Variants in CLOCK observed in about 807,000 individuals in gnomAD.
The protein encoded by CLOCK is clock circadian regulator.
Under a neutral mutation model 118.4 loss-of-function variants are expected in CLOCK, and 43 were observed. That is an observed-to-expected ratio of 0.36 (90% CI 0.28 to 0.47). The LOEUF (loss-of-function observed/expected upper bound fraction) is 0.47. CLOCK is among the 20% of genes least tolerant of loss of function. The pLI is 1.00. For synonymous variants in CLOCK, 326 were observed against 339.2 expected (o/e 0.96, Z 0.43); for missense variants, 846 against 999.9 (o/e 0.85, Z 2.08).
chr4:55,473,460 T>C (rs1471842933), intron 7 of CLOCK, among the ~76,000 whole-genome samples: 2 of 152,234 alleles, frequency 1.3e-5, no homozygotes, highest in Non-Finnish European at 2.9e-5. Flanking sequence ...AATTTTCGTA[T>C]GGTAACATTT....
At chr4:55,441,047 C>A (rs1522106) in intron 21 of CLOCK, among the ~76,000 whole-genome samples, 109,186 of 152,028 alleles carry the variant, frequency 0.72, 39,789 homozygotes, top group African/African-American at 0.83. Flanking sequence ...TATTCATCAC[C>A]CCAAACAATA....
intron 2 of CLOCK, among the ~76,000 whole-genome samples, chr4:55,503,978 T>TAAGAA (rs1728599579): frequency 1.4e-5 from 1 of 71,130 alleles, no homozygotes; most frequent in Non-Finnish European, 2.5e-5. Context: ...CAAAAAGAGG[T>TAAGAA]AAAAAAAAAA....
chr4:55,534,156 T>C (rs1444229364), intron 1 of CLOCK, among the ~76,000 whole-genome samples: 2 of 152,174 alleles, frequency 1.3e-5, no homozygotes. Flanking sequence ...ATTACAGTTG[T>C]AATATGCAGC....
chr4:55,520,853 T>A (rs1560474649), intron 1 of CLOCK, among the ~76,000 whole-genome samples: 1 of 152,204 alleles, frequency 6.6e-6, no homozygotes, highest in Non-Finnish European at 1.5e-5. Context: ...CAGAAGACTC[T>A]AACATTCATA....
At chr4:55,448,631 T>C (rs1724145396) in intron 18 of CLOCK, 148 bp downstream of exon 18, 2 of 601,518 alleles carry the variant, frequency 3.3e-6, no homozygotes, top group Non-Finnish European at 6.0e-6. Context: ...TGTGTGTGTG[T>C]GTGTGTGTGT....
intron 8 of CLOCK, among the ~76,000 whole-genome samples, chr4:55,465,871 G>A (rs926050186): frequency 5.3e-5 from 8 of 152,144 alleles, no homozygotes; most frequent in African/African-American, 1.9e-4. Flanking sequence ...AGAATCGCTT[G>A]AATCCAGGAG....
In CLOCK at chr4:55,476,069, A is replaced by G. The variant is rs1466993335; in HGVS notation, c.257-15T>C. On this transcript the variant is annotated splice_polypyrimidine_tract_variant and intron_variant, in intron 6 of 22. Transcript: ENST00000513440. ...TGCAGTGATTTCTGTAAACAGATTGACATATTAGTGGCATACTCCAACCAC... is the reference window on the plus strand; with the variant it reads ...TGCAGTGATTTCTGTAAACAGATTGGCATATTAGTGGCATACTCCAACCAC... 1.3e-6 allele frequency: 2 copies of G among 1,580,148 alleles called. No homozygotes were observed. Among genetic ancestry groups the G allele is most frequent in the Admixed American group, 3.3e-5 (2 of 59,816 alleles).
Position 55,459,150 on chromosome 4 carries a change from C to G in CLOCK, c.671G>C (p.Ser224Thr), listed in dbSNP as rs1279447140. Residue 224 changes from serine to threonine, a missense_variant and splice_region_variant, in exon 10 of 23, where the codon AGT (serine) becomes ACT (threonine). Transcript: ENST00000513440. ...KFIGNFKSLN[S>T]VSSSAHNGFE... Reference sequence around the variant, plus strand: ...GTGAGAGAAGCATTTTAACTCACCACTGTTTAAAGATTTGAAATTTCCTAT... The same window carrying G: ...GTGAGAGAAGCATTTTAACTCACCAGTGTTTAAAGATTTGAAATTTCCTAT... 26 of 1,559,434 alleles carry G rather than the reference C, an allele frequency of 1.7e-5. No individual in the cohort carries two copies. The highest frequency in any genetic ancestry group is 2.3e-5 in the Non-Finnish European group (26 of 1,130,338).
intron 1 of CLOCK, among the ~76,000 whole-genome samples, chr4:55,539,743 T>C (rs572674590): frequency 2.6e-5 from 4 of 152,214 alleles, no homozygotes; most frequent in South Asian, 4.1e-4. Flanking sequence ...CAACAGAAGA[T>C]TGATAAGTAA....
At chr4:55,477,161 C>A (rs1311509545) in intron 6 of CLOCK, among the ~76,000 whole-genome samples, 2 of 151,912 alleles carry the variant, frequency 1.3e-5, no homozygotes, top group Non-Finnish European at 2.9e-5. Flanking sequence ...TATATAAAAT[C>A]CTTTTACCTT....
At position 55,440,491 on chromosome 4, in the gene CLOCK, G is replaced by A. The variant is rs186545634; in HGVS notation, c.2105+1941C>T. Among the ~76,000 whole-genome samples the A allele has an allele frequency of 5.9e-5, 9 of 152,230 alleles. No individual in the cohort carries two copies. In the East Asian group the frequency reaches 1.7e-3, roughly 29 times the overall value. On this transcript the variant is annotated intron_variant, in intron 21 of 22. Transcript: ENST00000513440. ...AACATAGATGTGGCATGACATAACT[G>A]TATTTACAAACTGTTTATGTAACAA...
chr4:55,469,706 T>A (rs957653374), intron 8 of CLOCK, among the ~76,000 whole-genome samples: 4 of 152,206 alleles, frequency 2.6e-5, no homozygotes, highest in African/African-American at 9.6e-5. Context: ...TGTACAGCTA[T>A]ATGATATATT....
At chr4:55,460,155 G>A (rs940002387) in intron 9 of CLOCK, among the ~76,000 whole-genome samples, 4 of 151,990 alleles carry the variant, frequency 2.6e-5, no homozygotes, top group African/African-American at 7.3e-5. Flanking sequence ...CATTTGTATC[G>A]TTAACTTCAA....
Position 55,432,795 on chromosome 4 carries a change from AGAT to A in CLOCK, c.*2617_*2619del, listed in dbSNP as rs1340265862. 2 of 152,194 alleles carry A rather than the reference AGAT, an allele frequency of 1.3e-5. No homozygotes were observed. The highest frequency in any genetic ancestry group is 2.4e-5 in the African/African-American group (1 of 41,448). 9.4% of individuals were successfully genotyped at this position (152,194 alleles called of 1,614,324 possible). A position where few individuals can be genotyped will look rare whatever the true frequency, so the allele number is the denominator to read the frequency against. On this transcript the variant is annotated 3_prime_UTR_variant, in exon 23 of 23. Transcript: ENST00000513440. ...GCAATGGTTAATTCTAAGCAGGAAAAGATGAGCTGCGAAGAACAGTAAGAATCA... is the reference window on the plus strand; with the variant it reads ...GCAATGGTTAATTCTAAGCAGGAAAAGAGCTGCGAAGAACAGTAAGAATCA...
At chr4:55,457,361 T>G (rs549486524) in intron 11 of CLOCK, among the ~76,000 whole-genome samples, 1 of 152,332 alleles carries the variant, frequency 6.6e-6, no homozygotes, top group African/African-American at 2.4e-5. Context: ...ATCTTTTCCA[T>G]TTCATCTAAG....
At chr4:55,478,769 C>G (rs1293601397) in intron 6 of CLOCK, 46 bp downstream of exon 6, 1 of 1,581,676 alleles carries the variant, frequency 6.3e-7, no homozygotes. Flanking sequence ...AAGATTCTAA[C>G]TAATGCTTTG....
chr4:55,435,684 C>CA, intron 22 of CLOCK, 90 bp from the exon 23 acceptor site: 1 of 1,337,102 alleles, frequency 7.5e-7, no homozygotes, highest in South Asian at 1.2e-5. Context: ...TCCATAGGGA[C>CA]AAAATCCTTA....
At chr4:55,500,334 G>GT (rs1458692717) in intron 2 of CLOCK, among the ~76,000 whole-genome samples, 1 of 152,010 alleles carries the variant, frequency 6.6e-6, no homozygotes, top group Non-Finnish European at 1.5e-5. Flanking sequence ...TGTTGTTTTT[G>GT]TTTTGTTTGG....
rs541125975 is a variant in CLOCK at position 55,528,888 on chromosome 4, C to T, written c.-290+17894G>A. Among the ~76,000 whole-genome samples the T allele has an allele frequency of 3.3e-5, 5 of 152,278 alleles. No homozygotes were observed. The East Asian group carries it at 5.8e-4, about 18-fold the overall frequency. Reference sequence around the variant, plus strand: ...TTTCTATATGGCAATTGGAAAGCTCCGAAGCCTAAAAACAGGTTCCCTGAT... The same window carrying T: ...TTTCTATATGGCAATTGGAAAGCTCTGAAGCCTAAAAACAGGTTCCCTGAT... On this transcript the variant is annotated intron_variant, in intron 1 of 22. Coordinates refer to ENST00000513440, the MANE Select transcript of CLOCK (RefSeq NM_004898.4).
Sources: gnomAD v4.1 joint callset for allele counts (sites outside exome capture counted in the v4.1 genomes callset) on GRCh38, gnomAD v4.1.1 for gene constraint, MANE v1.5 for transcripts, NCBI Gene and HGNC (gene_info 2026-07-23, HGNC 2026-07-21) for gene names.